The following RGSL1 variants were observed in gnomAD, a reference collection of about 807,000 sequenced individuals.
The protein encoded by RGSL1 is regulator of G protein signaling like 1.
RGSL1 carries 97 observed loss-of-function variants against 124.7 expected under a neutral mutation model. That is an observed-to-expected ratio of 0.78 (90% CI 0.66 to 0.92). The LOEUF is 0.92. Ranked by LOEUF, RGSL1 falls within the 40% of genes least tolerant of loss-of-function variation. RGSL1 has a pLI of 0.00. For missense variants in RGSL1, 1,233 were observed against 1,288.4 expected (o/e 0.96, Z 0.66); for synonymous variants, 424 against 438.1 (o/e 0.97, Z 0.40).
intron 6 of RGSL1, among the ~76,000 whole-genome samples, chr1:182,485,818 A>G (rs990487279): frequency 1.3e-4 from 19 of 149,078 alleles, no homozygotes; most frequent in Non-Finnish European, 1.8e-4. Flanking sequence ...TATAGTAGGG[A>G]AAAAAATCAA....
At position 182,556,024 on chromosome 1, in the gene RGSL1, A is replaced by G; in HGVS notation, c.3198A>G (p.Gly1066=). The G allele has an allele frequency of 6.4e-7, 1 of 1,551,430 alleles. No homozygotes were observed. Among genetic ancestry groups the G allele is most frequent in the African/African-American group, 1.4e-5 (1 of 73,156 alleles). The change falls in exon 21 of 22, where the codon GGA becomes GGG. Residue 1066 remains glycine, a splice_region_variant and synonymous_variant. Coordinates refer to ENST00000294854, the MANE Select transcript of RGSL1 (RefSeq NM_001137669.2). The part of the protein sequence containing the change: ...VSAMQLHPVQ[G]QKLSYIKKEK ...AACTGGCTGTTTTCTCTCCCTTCAG[A>G]CAAAAATTATCCTACATCAAAAAAG...
chr1:182,539,276 T>G (rs943859836), intron 14 of RGSL1, among the ~76,000 whole-genome samples: 1 of 124,502 alleles, frequency 8.0e-6, no homozygotes, highest in Non-Finnish European at 2.0e-5. Flanking sequence ...TATCTAGACT[T>G]TTTTTCCCTT....
At chr1:182,491,293 G>A (rs1488322718) in intron 8 of RGSL1, among the ~76,000 whole-genome samples, 1 of 152,054 alleles carries the variant, frequency 6.6e-6, no homozygotes, top group Non-Finnish European at 1.5e-5. Flanking sequence ...TTGACTCACT[G>A]CAACCTCCAC....
intron 16 of RGSL1, 77 bp downstream of exon 16, chr1:182,548,532 G>A: frequency 6.5e-7 from 1 of 1,536,304 alleles, no homozygotes; most frequent in Non-Finnish European, 8.8e-7. Flanking sequence ...AAAGCTAATT[G>A]TCAGGCACCT....
intron 20 of RGSL1, 165 bp downstream of exon 20, chr1:182,554,858 G>A: frequency 1.5e-6 from 1 of 661,248 alleles, no homozygotes; most frequent in South Asian, 1.9e-5. Context: ...AGTTAAAGAG[G>A]TGTTTCTCTG....
In RGSL1 at chr1:182,500,730, GTATT is replaced by G. The variant is rs566382028; in HGVS notation, c.1825+7604_1825+7607del. On this transcript the variant is annotated intron_variant, in intron 9 of 21. Transcript: ENST00000294854. ...TACATTTTCATGATTACATTTATAA[GTATT>G]TAATTCTTTCTGATGCTATTGTAAG... Among the ~76,000 whole-genome samples the G allele has an allele frequency of 2.9e-3, 438 of 152,098 alleles. 5 individuals carry two copies. The highest frequency in any genetic ancestry group is 3.3e-3 in the Non-Finnish European group (222 of 67,978).
chr1:182,496,137 G>C (rs1012742070), intron 9 of RGSL1, among the ~76,000 whole-genome samples: 1 of 152,088 alleles, frequency 6.6e-6, no homozygotes, highest in Non-Finnish European at 1.5e-5. Flanking sequence ...ATGACAGAAG[G>C]TGAAGGGGGA....
At chr1:182,514,312 A>G (rs2102210174) in intron 9 of RGSL1, among the ~76,000 whole-genome samples, 1 of 152,264 alleles carries the variant, frequency 6.6e-6, no homozygotes, top group African/African-American at 2.4e-5. Flanking sequence ...CCCCTCTTCC[A>G]GTCTCCCATC....
chr1:182,509,359 GA>G (rs1571606208), intron 9 of RGSL1, among the ~76,000 whole-genome samples: 1 of 31,746 alleles, frequency 3.1e-5, no homozygotes, highest in Admixed American at 2.8e-4. Context: ...TGGCCGGGCA[GA>G]GGGGCTCCTC....
intron 4 of RGSL1, 113 bp from the exon 5 acceptor site, chr1:182,472,283 T>G: frequency 1.1e-6 from 1 of 948,298 alleles, no homozygotes; most frequent in Non-Finnish European, 1.5e-6. Flanking sequence ...CCAGGAATGA[T>G]GATTGATGCA....
chr1:182,538,428 T>C (rs922042210), intron 14 of RGSL1, among the ~76,000 whole-genome samples: 2 of 151,866 alleles, frequency 1.3e-5, no homozygotes, highest in African/African-American at 2.4e-5. Flanking sequence ...CTCAGGAGGC[T>C]GAGAAAGGAG....
At chr1:182,527,490 G>A in intron 10 of RGSL1, 89 bp from the exon 11 acceptor site, 2 of 1,098,490 alleles carry the variant, frequency 1.8e-6, no homozygotes, top group Non-Finnish European at 2.6e-6. Flanking sequence ...CTTATAGCCT[G>A]GTCAATGCAC....
chr1:182,468,716 A>T (rs1653559787), intron 4 of RGSL1, among the ~76,000 whole-genome samples: 1 of 152,202 alleles, frequency 6.6e-6, no homozygotes, highest in African/African-American at 2.4e-5. Context: ...TACATATGTA[A>T]CAAACCTGCA....
intron 14 of RGSL1, among the ~76,000 whole-genome samples, chr1:182,533,702 G>T (rs1478976688): frequency 2.6e-5 from 4 of 152,124 alleles, no homozygotes; most frequent in African/African-American, 9.7e-5. Context: ...ATTTCACAGG[G>T]TTATTAGAAC....
rs1364960472 is a variant in RGSL1 at position 182,471,505 on chromosome 1, A to T, written c.302-891A>T. 8 of 361,510 alleles carry T rather than the reference A, an allele frequency of 2.2e-5. No individual in the cohort carries two copies. In the East Asian group the frequency reaches 5.9e-4, roughly 27 times the overall value. The allele number at this position is 361,510 out of a possible 1,614,324, so 22.4% of individuals were successfully genotyped here. ...TGAATATAAACATGTTTAATAATGCAGTTTGGATAAAAATCTTTGAAAACT... is the reference window on the plus strand; with the variant it reads ...TGAATATAAACATGTTTAATAATGCTGTTTGGATAAAAATCTTTGAAAACT... On this transcript the variant is annotated intron_variant, in intron 4 of 21. Coordinates refer to ENST00000294854, the MANE Select transcript of RGSL1 (RefSeq NM_001137669.2).
intron 5 of RGSL1, among the ~76,000 whole-genome samples, 164 bp from the exon 6 acceptor site, chr1:182,473,411 T>A (rs1219460110): frequency 6.6e-6 from 1 of 152,202 alleles, no homozygotes; most frequent in East Asian, 1.9e-4. Context: ...ACCATAAAAA[T>A]GTGTCGACTC....
At chr1:182,513,573 G>A (rs781643736) in intron 9 of RGSL1, among the ~76,000 whole-genome samples, 11 of 152,040 alleles carry the variant, frequency 7.2e-5, no homozygotes, top group Non-Finnish European at 1.3e-4. Flanking sequence ...TTGCCACATC[G>A]GTAGTAGTTA....
rs763713236 is a variant in RGSL1 at position 182,541,316 on chromosome 1, CAT to C, written c.2669+896_2669+897del. On this transcript the variant is annotated intron_variant, in intron 15 of 21. Transcript: ENST00000294854. Reference sequence around the variant, plus strand: ...TTTAGCTCCCACATATGAGTGAAAACATGTGATATTTGTCCTTCTGTGTTTGA... The same window carrying C: ...TTTAGCTCCCACATATGAGTGAAAACGTGATATTTGTCCTTCTGTGTTTGA... 1.3e-4 allele frequency among the ~76,000 whole-genome samples: 20 copies of C among 152,244 alleles called. No homozygotes were observed. The South Asian group carries it at 4.1e-3, about 32-fold the overall frequency.
At chr1:182,469,898 C>A (rs1442361592) in intron 4 of RGSL1, among the ~76,000 whole-genome samples, 1 of 151,962 alleles carries the variant, frequency 6.6e-6, no homozygotes, top group Admixed American at 6.6e-5. Context: ...TTGAAGTAAG[C>A]CAGTCACAGA....
Sources: allele counts gnomAD v4.1 joint callset (sites outside exome capture counted in the v4.1 genomes callset), GRCh38; gene constraint gnomAD v4.1.1; transcripts MANE v1.5; gene names NCBI Gene and HGNC (gene_info 2026-07-23, HGNC 2026-07-21).